SGCZ: variants seen among roughly 807,000 people sequenced by gnomAD.
SGCZ encodes the protein zeta-sarcoglycan.
In SGCZ, 40 loss-of-function variants were observed where a neutral mutation model predicts 41.3. That is an observed-to-expected ratio of 0.97 (90% CI 0.75 to 1.26). SGCZ has a LOEUF of 1.26. SGCZ is among the 50% of genes most tolerant of loss of function. The pLI, the probability that SGCZ is intolerant of heterozygous loss-of-function variation, is 0.00. For synonymous variants in SGCZ, 206 were observed against 137.5 expected, an observed-to-expected ratio of 1.50 and a Z score of -3.49; for missense variants, 552 against 369.8, an observed-to-expected ratio of 1.49 and a Z score of -4.04.
intron 1 of SGCZ, among the ~76,000 whole-genome samples, chr8:15,103,263 T>C (rs908353222): frequency 6.6e-6 from 1 of 152,072 alleles, no homozygotes; most frequent in Non-Finnish European, 1.5e-5. Flanking sequence ...TAGCAAGGCA[T>C]GATGGCGCAT....
chr8:14,192,194 A>T (rs1178871904), intron 4 of SGCZ, among the ~76,000 whole-genome samples: 1 of 152,068 alleles, frequency 6.6e-6, no homozygotes, highest in Non-Finnish European at 1.5e-5. Context: ...AAAAACAGAA[A>T]ATAGGTAATT....
intron 1 of SGCZ, among the ~76,000 whole-genome samples, chr8:14,936,754 C>T (rs1246031443): frequency 6.6e-6 from 1 of 151,764 alleles, no homozygotes; most frequent in Non-Finnish European, 1.5e-5. Context: ...TAAATACAAA[C>T]AATGTCAGTG....
intron 1 of SGCZ, among the ~76,000 whole-genome samples, chr8:14,569,590 G>A (rs1056132467): frequency 1.3e-5 from 2 of 152,146 alleles, no homozygotes; most frequent in African/African-American, 4.8e-5. Context: ...TCATCATGGG[G>A]TCTACATTCT....
chr8:14,160,172 A>C (rs556170751), intron 5 of SGCZ, among the ~76,000 whole-genome samples: 15 of 152,148 alleles, frequency 9.9e-5, no homozygotes, highest in Non-Finnish European at 1.9e-4. Context: ...TACATCATAG[A>C]AAAAAAACAG....
intron 1 of SGCZ, among the ~76,000 whole-genome samples, chr8:15,008,292 AT>A (rs1802679632): frequency 6.6e-6 from 1 of 151,934 alleles, no homozygotes; most frequent in African/African-American, 2.4e-5. Context: ...AAATGAGTCC[AT>A]TAAGTTTCTG....
In SGCZ at chr8:14,138,731, C is replaced by A. The variant is rs545690431; in HGVS notation, c.547+25849G>T. 3.9e-5 allele frequency among the ~76,000 whole-genome samples: 6 copies of A among 152,244 alleles called. No homozygotes were observed. In the East Asian group the frequency reaches 7.7e-4, roughly 20 times the overall value. On this transcript the variant is annotated intron_variant, in intron 5 of 7. Coordinates refer to ENST00000382080, the MANE Select transcript of SGCZ (RefSeq NM_139167.4). Reference sequence around the variant, plus strand: ...CTACAAAGAAACTAAAACTCTCACACGATAATAATGGGAGATTTTAACACC... The same window carrying A: ...CTACAAAGAAACTAAAACTCTCACAAGATAATAATGGGAGATTTTAACACC...
At chr8:14,474,663 A>G (rs1801308514) in intron 2 of SGCZ, among the ~76,000 whole-genome samples, 1 of 152,220 alleles carries the variant, frequency 6.6e-6, no homozygotes, top group Admixed American at 6.5e-5. Flanking sequence ...TCTAAATTAC[A>G]TATTGCAGAA....
intron 1 of SGCZ, among the ~76,000 whole-genome samples, chr8:14,730,142 G>T (rs1334836092): frequency 6.6e-6 from 1 of 152,108 alleles, no homozygotes; most frequent in East Asian, 1.9e-4. Flanking sequence ...TAGACCCTTG[G>T]CCATCATCTC....
At chr8:14,699,838 C>T (rs997707492) in intron 1 of SGCZ, among the ~76,000 whole-genome samples, 5 of 151,788 alleles carry the variant, frequency 3.3e-5, no homozygotes, top group African/African-American at 1.2e-4. Flanking sequence ...ATGCAGCCAA[C>T]GAATATATAA....
At chr8:14,745,617 G>A (rs979504408) in intron 1 of SGCZ, among the ~76,000 whole-genome samples, 9 of 151,808 alleles carry the variant, frequency 5.9e-5, no homozygotes, top group Non-Finnish European at 1.3e-4. Flanking sequence ...ATGTGTGCCT[G>A]TGTATGTATG....
intron 2 of SGCZ, among the ~76,000 whole-genome samples, chr8:14,525,302 C>T (rs1204164495): frequency 6.6e-6 from 1 of 152,060 alleles, no homozygotes; most frequent in Non-Finnish European, 1.5e-5. Context: ...GCTCCCTGCT[C>T]TTTGAGATAG....
intron 1 of SGCZ, among the ~76,000 whole-genome samples, chr8:14,591,628 A>G (rs1047145052): frequency 2.6e-5 from 4 of 152,160 alleles, no homozygotes; most frequent in Non-Finnish European, 4.4e-5. Context: ...TATTGATAAC[A>G]TTAACATTTT....
At chr8:14,908,621 G>T (rs187033251) in intron 1 of SGCZ, among the ~76,000 whole-genome samples, 1 of 151,668 alleles carries the variant, frequency 6.6e-6, no homozygotes, top group African/African-American at 2.4e-5. Context: ...GTGGTGACAG[G>T]CACCTGTAAT....
chr8:14,619,299 A>T (rs1806207503), intron 1 of SGCZ, among the ~76,000 whole-genome samples: 1 of 152,166 alleles, frequency 6.6e-6, no homozygotes, highest in Non-Finnish European at 1.5e-5. Context: ...TCAAAATAAT[A>T]AGAGCTATCT....
At chr8:14,607,082 T>C (rs1165889738) in intron 1 of SGCZ, among the ~76,000 whole-genome samples, 1 of 152,164 alleles carries the variant, frequency 6.6e-6, no homozygotes, top group African/African-American at 2.4e-5. Context: ...CATCTATTCA[T>C]TGACTGTGCC....
At chr8:14,244,327 G>C (rs1263574365) in intron 3 of SGCZ, among the ~76,000 whole-genome samples, 1 of 151,666 alleles carries the variant, frequency 6.6e-6, no homozygotes, top group African/African-American at 2.4e-5. Flanking sequence ...TCATTTCCGT[G>C]AAACAAGTCA....
At chr8:14,816,192 C>A (rs1424403709) in intron 1 of SGCZ, among the ~76,000 whole-genome samples, 1 of 152,186 alleles carries the variant, frequency 6.6e-6, no homozygotes, top group African/African-American at 2.4e-5. Context: ...TCTCTCAATG[C>A]AGTCTCGACA....
intron 2 of SGCZ, among the ~76,000 whole-genome samples, chr8:14,470,178 G>A (rs1190767872): frequency 1.3e-5 from 2 of 152,090 alleles, no homozygotes; most frequent in East Asian, 1.9e-4. Flanking sequence ...TACTTTATAT[G>A]TGGGAAAAAC....
Position 14,180,540 on chromosome 8 carries a change from C to T in SGCZ, c.425-15838G>A, listed in dbSNP as rs1020203102. 3.3e-5 allele frequency among the ~76,000 whole-genome samples: 5 copies of T among 151,696 alleles called. No individual in the cohort carries two copies. In the East Asian group the frequency reaches 5.8e-4, roughly 18 times the overall value. On this transcript the variant is annotated intron_variant, in intron 4 of 7. Coordinates refer to ENST00000382080, the MANE Select transcript of SGCZ (RefSeq NM_139167.4). ...CCCATTTATCATATAACCCAACATG[C>T]GCAGTCTCATTGAAGAAAAAAAAAA...
Sources: gnomAD v4.1 joint callset for allele counts (sites outside exome capture counted in the v4.1 genomes callset) on GRCh38, gnomAD v4.1.1 for gene constraint, MANE v1.5 for transcripts, NCBI Gene and HGNC (gene_info 2026-07-23, HGNC 2026-07-21) for gene names.